The following EYS variants were observed in gnomAD, a reference collection of about 807,000 sequenced individuals.
EYS encodes the protein protein eyes shut homolog.
EYS carries 250 observed loss-of-function variants against 282.1 expected under a neutral mutation model. That is an observed-to-expected ratio of 0.89 (90% CI 0.80 to 0.98). The LOEUF is 0.98. Ranked by LOEUF, EYS falls within the 50% of genes least tolerant of loss-of-function variation. EYS has a pLI of 0.00. For missense variants in EYS, 4,016 were observed against 3,709.0 expected, an observed-to-expected ratio of 1.08 and a Z score of -2.15; for synonymous variants, 1,355 against 1,282.9, an observed-to-expected ratio of 1.06 and a Z score of -1.20.
intron 19 of EYS, among the ~76,000 whole-genome samples, chr6:64,824,756 C>T (rs1490850413): frequency 6.6e-6 from 1 of 151,906 alleles, no homozygotes; most frequent in African/African-American, 2.4e-5. Context: ...ACACTTCACT[C>T]TGTTTTTGAA....
chr6:64,365,217 G>GA (rs1233591886), intron 29 of EYS, among the ~76,000 whole-genome samples: 2 of 151,926 alleles, frequency 1.3e-5, no homozygotes, highest in Non-Finnish European at 2.9e-5. Context: ...GCAAATGAGA[G>GA]AAAAAAGCAG....
chr6:65,650,297 C>A (rs1003883214), intron 1 of EYS, among the ~76,000 whole-genome samples: 14 of 152,154 alleles, frequency 9.2e-5, no homozygotes, highest in Non-Finnish European at 5.9e-5. Context: ...TCCAACTCAA[C>A]ACACAATGCT....
chr6:64,871,219 C>T (rs1051880989), intron 19 of EYS, among the ~76,000 whole-genome samples: 2 of 151,580 alleles, frequency 1.3e-5, no homozygotes, highest in Non-Finnish European at 2.9e-5. Flanking sequence ...GCATAACATG[C>T]CATTTGCATA....
chr6:64,810,839 AC>A (rs1374633387), intron 22 of EYS, among the ~76,000 whole-genome samples: 1 of 152,086 alleles, frequency 6.6e-6, no homozygotes, highest in African/African-American at 2.4e-5. Flanking sequence ...AAGAATGAAG[AC>A]ATTAACTTTT....
intron 15 of EYS, among the ~76,000 whole-genome samples, chr6:64,943,675 G>T (rs1490905432): frequency 1.3e-5 from 2 of 151,950 alleles, no homozygotes; most frequent in East Asian, 3.9e-4. Flanking sequence ...TGTACAAGGA[G>T]AACTACAAAA....
chr6:65,204,459 G>A (rs1358981045), intron 12 of EYS, among the ~76,000 whole-genome samples: 3 of 147,476 alleles, frequency 2.0e-5, no homozygotes, highest in Non-Finnish European at 3.0e-5. Context: ...CATCATAAAC[G>A]AAGAAAAAAT....
rs554057137 is a variant in EYS, at chr6:64,295,554, GAA to G, written c.6191+11414_6191+11415del. On this transcript the variant is annotated intron_variant, in intron 30 of 42. Coordinates refer to ENST00000503581, the MANE Select transcript of EYS (RefSeq NM_001142800.2). ...AAGAAGAAAGAAGAAGAAAGAAGAA[GAA>G]AGAAGAAGAAAAGAAGAAGAAAATT... Among the ~76,000 whole-genome samples, 4 of 24,364 alleles carry G rather than the reference GAA, an allele frequency of 1.6e-4. No homozygotes were observed. In the East Asian group the frequency reaches 1.8e-3, roughly 11 times the overall value. 16.0% of individuals were successfully genotyped at this position (24,364 alleles called of 152,430 possible). A position where few individuals can be genotyped will look rare whatever the true frequency, so the allele number is the denominator to read the frequency against.
chr6:63,726,541 T>G lies in EYS; in HGVS notation c.8211A>C (p.Ala2737=), dbSNP rs1011193191. ...TACCTGATTGGGCTTTTAAGTGTTG[T>G]GCAGCATAAAATAGGATACCATCTG... ...LAADGILFYA[A]QHLKAQSGDF... is the part of the protein sequence containing the mutation. The change falls in exon 42 of 43, where the codon GCA becomes GCC. Residue 2737 remains alanine, a synonymous_variant. Transcript: ENST00000503581. 1.1e-5 allele frequency: 17 copies of G among 1,551,012 alleles called. No homozygotes were observed. Among genetic ancestry groups the G allele is most frequent in the Non-Finnish European group, 1.5e-5 (17 of 1,146,668 alleles).
intron 12 of EYS, among the ~76,000 whole-genome samples, chr6:65,182,399 T>C (rs1765411151): frequency 6.6e-6 from 1 of 151,630 alleles, no homozygotes; most frequent in South Asian, 2.1e-4. Context: ...GTTTTTTTAA[T>C]TCTGTGCCCA....
chr6:64,070,140 G>A (rs3013151), intron 32 of EYS, among the ~76,000 whole-genome samples: 16,337 of 151,982 alleles, frequency 0.11, 1,708 homozygotes, highest in African/African-American at 0.27. Context: ...TGGACAAATG[G>A]CAGTTCGTTA....
intron 22 of EYS, among the ~76,000 whole-genome samples, chr6:64,753,714 CAA>C (rs1159164314): frequency 2.0e-5 from 3 of 151,488 alleles, no homozygotes; most frequent in African/African-American, 4.8e-5. Flanking sequence ...TGAAATAAAA[CAA>C]AGAGACACTA....
At chr6:65,534,232 T>G (rs1351617756) in intron 2 of EYS, among the ~76,000 whole-genome samples, 1 of 152,178 alleles carries the variant, frequency 6.6e-6, no homozygotes, top group Non-Finnish European at 1.5e-5. Flanking sequence ...TGATGCTGCG[T>G]GCTATCTAGA....
chr6:65,024,354 T>C (rs1423419594), intron 13 of EYS, among the ~76,000 whole-genome samples: 1 of 152,212 alleles, frequency 6.6e-6, no homozygotes, highest in Non-Finnish European at 1.5e-5. Context: ...CAAGTCATTG[T>C]ATCCTCACAG....
chr6:65,470,508 AT>A (rs964957469), intron 5 of EYS, among the ~76,000 whole-genome samples: 2 of 152,074 alleles, frequency 1.3e-5, no homozygotes, highest in South Asian at 2.1e-4. Flanking sequence ...TATACATTCA[AT>A]TTTTTTGCAT....
chr6:64,359,102 A>ACTT (rs1233901018), intron 29 of EYS, among the ~76,000 whole-genome samples: 2 of 151,698 alleles, frequency 1.3e-5, no homozygotes, highest in Non-Finnish European at 3.0e-5. Flanking sequence ...TATTAAGAAG[A>ACTT]CTTATGTTAG....
At chr6:65,046,045 A>G (rs909762454) in intron 13 of EYS, among the ~76,000 whole-genome samples, 1 of 151,830 alleles carries the variant, frequency 6.6e-6, no homozygotes, top group Non-Finnish European at 1.5e-5. Flanking sequence ...TTTTTTCTAT[A>G]TCAATAAAAC....
chr6:64,451,852 C>A (rs548743978), intron 26 of EYS, among the ~76,000 whole-genome samples: 6 of 151,674 alleles, frequency 4.0e-5, no homozygotes, highest in East Asian at 3.9e-4. Flanking sequence ...ATTGATGGGA[C>A]GTATCTCAAA....
intron 19 of EYS, among the ~76,000 whole-genome samples, chr6:64,865,437 C>G (rs1406412001): frequency 6.6e-6 from 1 of 151,880 alleles, no homozygotes; most frequent in African/African-American, 2.4e-5. Context: ...GCACCCCAGG[C>G]ATAGAGGAGA....
intron 29 of EYS, among the ~76,000 whole-genome samples, chr6:64,370,834 GT>G (rs1172461115): frequency 6.6e-6 from 1 of 152,002 alleles, no homozygotes; most frequent in Non-Finnish European, 1.5e-5. Context: ...GTCTCTGACA[GT>G]TTTTTGTATT....
Sources: gnomAD v4.1 joint callset for allele counts (sites outside exome capture counted in the v4.1 genomes callset) on GRCh38, gnomAD v4.1.1 for gene constraint, MANE v1.5 for transcripts, NCBI Gene and HGNC (gene_info 2026-07-23, HGNC 2026-07-21) for gene names.